The following SLC25A44 variants were observed in gnomAD, a reference collection of about 807,000 sequenced individuals.
The protein encoded by SLC25A44 is solute carrier family 25, member 44.
Under a neutral mutation model 29.9 loss-of-function variants are expected in SLC25A44, and 17 were observed. The ratio of observed to expected loss-of-function variants is 0.57; its 90% CI spans 0.39 to 0.85. SLC25A44 has a LOEUF of 0.85. SLC25A44 is among the 40% of genes least tolerant of loss of function. SLC25A44 has a pLI of 0.00. For missense variants in SLC25A44, 302 were observed against 398.4 expected (o/e 0.76, Z 2.06); for synonymous variants, 140 against 151.8 (o/e 0.92, Z 0.57).
chr1:156,195,380 G>A (rs1646258183), intron 1 of SLC25A44, among the ~76,000 whole-genome samples: 1 of 152,104 alleles, frequency 6.6e-6, no homozygotes, highest in South Asian at 2.1e-4. Context: ...TGGGATTATA[G>A]GCCCGGCCTC....
At chr1:156,203,168 C>T (rs928089320) in intron 2 of SLC25A44, among the ~76,000 whole-genome samples, 33 of 152,226 alleles carry the variant, frequency 2.2e-4, no homozygotes, top group African/African-American at 7.5e-4. Flanking sequence ...TGGTATACAT[C>T]AGGCTCTGTT....
At chr1:156,197,741 A>AGC (rs1339458739) in intron 1 of SLC25A44, 1 of 152,052 alleles carries the variant, frequency 6.6e-6, no homozygotes, top group Non-Finnish European at 1.5e-5. Flanking sequence ...TGGGCGACAG[A>AGC]GCGAGACTCC....
chr1:156,207,458 C>T (rs534990629), intron 2 of SLC25A44, among the ~76,000 whole-genome samples: 5 of 151,378 alleles, frequency 3.3e-5, no homozygotes, highest in Admixed American at 6.5e-5. Flanking sequence ...GGATTACAGG[C>T]GTGAGCCGCC....
chr1:156,200,306 G>A lies in SLC25A44; in HGVS notation c.459G>A (p.Gly153=). 6.2e-7 allele frequency: 1 copy of A among 1,614,166 alleles called. No individual in the cohort carries two copies. Among genetic ancestry groups the A allele is most frequent in the African/African-American group, 1.3e-5 (1 of 75,040 alleles). The stretch of plus-strand genomic sequence containing the variant: ...AAATGGGCCGCTTTCAGGTGCGGGG[G>A]AACCCAGAGGGACAAGGGGTAGTTG... ...GEKMGRFQVR[G]NPEGQGVVAF... is the part of the protein sequence containing the mutation. Residue 153 remains glycine (G), a synonymous_variant, in exon 2 of 4, where the codon GGG becomes GGA. Transcript: ENST00000359511.
chr1:156,200,292 T>G lies in SLC25A44; in HGVS notation c.445T>G (p.Phe149Val). 6.2e-7 allele frequency: 1 copy of G among 1,614,160 alleles called. No homozygotes were observed. Among genetic ancestry groups the G allele is most frequent in the Non-Finnish European group, 8.5e-7 (1 of 1,180,032 alleles). ...ACGCAAGGGTGAGAAAATGGGCCGC[T>G]TTCAGGTGCGGGGGAACCCAGAGGG... ...MQRKGEKMGR[F>V]QVRGNPEGQG... Residue 149 changes from phenylalanine (F) to valine (V), a missense_variant, in exon 2 of 4, where the codon TTT becomes GTT. Coordinates refer to ENST00000359511, the MANE Select transcript of SLC25A44 (RefSeq NM_014655.4).
At chr1:156,203,667 C>CCCTCCCTT (rs1656726297) in intron 2 of SLC25A44, among the ~76,000 whole-genome samples, 2 of 141,110 alleles carry the variant, frequency 1.4e-5, no homozygotes, top group Non-Finnish European at 3.1e-5. Context: ...GTCCCTCCCT[C>CCCTCCCTT]CCTCCCTTCC....
At position 156,210,287 on chromosome 1, in the gene SLC25A44, A is replaced by G. The variant is rs772646110; in HGVS notation, c.801A>G (p.Ala267=). 5 of 1,595,384 alleles carry G rather than the reference A, an allele frequency of 3.1e-6. No individual in the cohort carries two copies. The highest frequency in any genetic ancestry group is 1.7e-6 in the Non-Finnish European group (2 of 1,171,666). ...TCCTGACCTTCAGACAGCTGATGGC[A>G]GAAGAAGGGCCTTGGGGCCTCATGA... ...SIILTFRQLM[A]EEGPWGLMKG... The change falls in exon 4 of 4, where the codon GCA becomes GCG. Residue 267 remains alanine, a synonymous_variant. Coordinates refer to ENST00000359511, the MANE Select transcript of SLC25A44 (RefSeq NM_014655.4).
chr1:156,198,639 C>T lies in SLC25A44; in HGVS notation c.-13-1196C>T, dbSNP rs1307037946. ...AACTTATTTTTATATATTGTAGAGA[C>T]GGAGTCTCCCTATGTTGCCTAGGCT... On this transcript the variant is annotated intron_variant, in intron 1 of 3. Coordinates refer to ENST00000359511, the MANE Select transcript of SLC25A44 (RefSeq NM_014655.4). The surrounding 1 kb of genome is among the most constrained non-coding windows in gnomAD (Gnocchi z 4.1). 1.3e-5 allele frequency: 2 copies of T among 152,092 alleles called. No individual in the cohort carries two copies. Among genetic ancestry groups the T allele is most frequent in the African/African-American group, 2.4e-5 (1 of 41,388 alleles). The allele number at this position is 152,092 out of a possible 1,614,324, so 9.4% of individuals were successfully genotyped here.
intron 3 of SLC25A44, among the ~76,000 whole-genome samples, chr1:156,209,397 C>T (rs1461642443): frequency 6.6e-6 from 1 of 151,896 alleles, no homozygotes; most frequent in Non-Finnish European, 1.5e-5. Context: ...GAAGGGAGTG[C>T]GGAGGAGGGT....
At chr1:156,195,163 G>T (rs1253329514) in intron 1 of SLC25A44, among the ~76,000 whole-genome samples, 8 of 151,546 alleles carry the variant, frequency 5.3e-5, no homozygotes, top group African/African-American at 1.2e-4. Context: ...GAGGGCAGTG[G>T]CGCAATCTCG....
At position 156,199,909 on chromosome 1, in the gene SLC25A44, A is replaced by G. The variant is rs1257505781; in HGVS notation, c.62A>G (p.Tyr21Cys). Residue 21 changes from tyrosine (Y) to cysteine (C), a missense_variant, in exon 2 of 4, where the codon TAC becomes TGC. Physicochemically the swap from Tyr to Cys is radical, Grantham distance 194. Transcript: ENST00000359511. The stretch of plus-strand genomic sequence containing the variant: ...GAACACCTGGACAAGAAGAAGTTCT[A>G]CGTGTTTGGTGTGGCAATGACAATG... ...EWEHLDKKKFYVFGVAMTMMI... is the reference protein window; with the variant it reads ...EWEHLDKKKFCVFGVAMTMMI... 6.2e-7 allele frequency: 1 copy of G among 1,614,172 alleles called. No homozygotes were observed. Among genetic ancestry groups the G allele is most frequent in the South Asian group, 1.1e-5 (1 of 91,088 alleles).
At chr1:156,203,502 T>A (rs1275884401) in intron 2 of SLC25A44, among the ~76,000 whole-genome samples, 1 of 152,186 alleles carries the variant, frequency 6.6e-6, no homozygotes, top group Non-Finnish European at 1.5e-5. Context: ...TATTATTAAG[T>A]ACTCATTTAT....
At chr1:156,209,077 A>T (rs999226173) in intron 3 of SLC25A44, among the ~76,000 whole-genome samples, 1 of 152,186 alleles carries the variant, frequency 6.6e-6, no homozygotes, top group African/African-American at 2.4e-5. Flanking sequence ...GGATGTTGGG[A>T]AGCAGATAAG....
intron 2 of SLC25A44, among the ~76,000 whole-genome samples, chr1:156,207,386 A>G (rs1027349347): frequency 1.5e-4 from 23 of 152,128 alleles, no homozygotes; most frequent in East Asian, 9.7e-4. Context: ...TCACCATGTT[A>G]GCCAGGATGG....
At chr1:156,199,790 C>T in intron 1 of SLC25A44, 45 bp from the exon 2 acceptor site, 1 of 1,539,198 alleles carries the variant, frequency 6.5e-7, no homozygotes, top group Non-Finnish European at 8.8e-7. Flanking sequence ...AAGCACAAAG[C>T]TCCACCCTCC....
intron 1 of SLC25A44, among the ~76,000 whole-genome samples, chr1:156,194,746 G>A (rs901492482): frequency 6.6e-6 from 1 of 152,210 alleles, no homozygotes; most frequent in Admixed American, 6.5e-5. Flanking sequence ...TAGCTCCCAG[G>A]ATGCAGATGC....
rs567141970 is a variant in SLC25A44, at chr1:156,202,345, G to T, written c.625+1873G>T. 2.6e-5 allele frequency among the ~76,000 whole-genome samples: 4 copies of T among 152,270 alleles called. No individual in the cohort carries two copies. In the South Asian group the frequency reaches 8.3e-4, roughly 32 times the overall value. On this transcript the variant is annotated intron_variant, in intron 2 of 3. Transcript: ENST00000359511. ...TGACCTTTTCAACTTGCGTTGTCAT[G>T]TTCAGTGGCTTCCACTGCTTACTGA...
intron 1 of SLC25A44, chr1:156,196,978 G>A (rs992935931): frequency 6.6e-6 from 1 of 152,242 alleles, no homozygotes; most frequent in Non-Finnish European, 1.5e-5. Flanking sequence ...CTCTTCCATT[G>A]ACCAGCTGTG....
intron 2 of SLC25A44, among the ~76,000 whole-genome samples, chr1:156,206,052 G>A (rs1447911881): frequency 6.6e-6 from 1 of 152,004 alleles, no homozygotes; most frequent in Non-Finnish European, 1.5e-5. Context: ...GATATAGGCT[G>A]GAGAAAAGTG....
Sources: gnomAD v4.1 joint callset for allele counts (sites outside exome capture counted in the v4.1 genomes callset) on GRCh38, gnomAD v4.1.1 for gene constraint, Gnocchi (gnomAD v3.1) non-coding constraint, MANE v1.5 for transcripts, NCBI Gene and HGNC (gene_info 2026-07-23, HGNC 2026-07-21) for gene names.